FIRRM: variants seen among roughly 807,000 people sequenced by gnomAD.
FIRRM encodes the protein FIGNL1 interacting regulator of recombination and mitosis.
the FIRRM span, chr1:169,842,292 A>T: frequency 2.3e-6 from 2 of 861,142 alleles, no homozygotes; most frequent in African/African-American, 3.5e-5. Flanking sequence ...GCTCTTAGAA[A>T]TATTATTCTA....
the FIRRM span, among the ~76,000 whole-genome samples, chr1:169,832,967 T>G: frequency 1.3e-5 from 2 of 152,178 alleles, no homozygotes; most frequent in South Asian, 4.1e-4. Context: ...TGACGTTGAT[T>G]GCTGTGCTTG....
the FIRRM span, among the ~76,000 whole-genome samples, chr1:169,835,374 T>G: frequency 6.6e-6 from 1 of 152,222 alleles, no homozygotes; most frequent in African/African-American, 2.4e-5. Context: ...ATTAGTAGTA[T>G]TCCATTGTAT....
chr1:169,813,369 C>T, the FIRRM span, among the ~76,000 whole-genome samples: 1 of 152,182 alleles, frequency 6.6e-6, no homozygotes, highest in Non-Finnish European at 1.5e-5. Context: ...ATCTATAGCC[C>T]TCCCTGCATA....
chr1:169,787,319 C>CTTA, the FIRRM span, among the ~76,000 whole-genome samples: 2 of 152,150 alleles, frequency 1.3e-5, no homozygotes. Flanking sequence ...TGGGCTTTCT[C>CTTA]TTATGCCCAC....
At chr1:169,834,581 C>CTTGT in the FIRRM span, among the ~76,000 whole-genome samples, 1 of 152,102 alleles carries the variant, frequency 6.6e-6, no homozygotes, top group Non-Finnish European at 1.5e-5. Flanking sequence ...TTAGTCCTTA[C>CTTGT]AGCAGCCTTG....
At chr1:169,823,044 G>A in the FIRRM span, among the ~76,000 whole-genome samples, 1 of 151,636 alleles carries the variant, frequency 6.6e-6, no homozygotes, top group Non-Finnish European at 1.5e-5. Flanking sequence ...CTGAGGTCAG[G>A]AGTTCAAGAC....
chr1:169,851,948 T>G, the FIRRM span: 1 of 1,613,868 alleles, frequency 6.2e-7, no homozygotes, highest in African/African-American at 1.3e-5. Flanking sequence ...TATGGGCTGA[T>G]TTCAATAGGG....
At chr1:169,850,985 T>C in the FIRRM span, 2 of 57,720 alleles carry the variant, frequency 3.5e-5, no homozygotes, top group Non-Finnish European at 3.4e-5. Context: ...CATGGCTTTT[T>C]TTTTTTTTTT....
chr1:169,792,773 G>A, the FIRRM span: 1 of 1,613,188 alleles, frequency 6.2e-7, no homozygotes, highest in South Asian at 1.1e-5. Context: ...TCTAAGGAAA[G>A]TCTGGTGCAA....
chr1:169,837,179 T>A, the FIRRM span: 1 of 1,306,980 alleles, frequency 7.7e-7, no homozygotes. Flanking sequence ...TTTTAGGTAC[T>A]GGGGTTAGGT....
chr1:169,810,827 GCCC>G, the FIRRM span, among the ~76,000 whole-genome samples: 3 of 114,494 alleles, frequency 2.6e-5, no homozygotes, highest in Non-Finnish European at 5.4e-5. Flanking sequence ...TAGTTCTTTA[GCCC>G]CCAATTTTTT....
chr1:169,802,686 A>G, the FIRRM span: 1 of 1,613,196 alleles, frequency 6.2e-7, no homozygotes, highest in Admixed American at 1.7e-5. Context: ...TGTCAAGCCA[A>G]AATTTGGAAA....
At chr1:169,803,613 C>CCCT in the FIRRM span, among the ~76,000 whole-genome samples, 7 of 152,072 alleles carry the variant, frequency 4.6e-5, no homozygotes, top group African/African-American at 1.7e-4. Context: ...GTTGCATTGA[C>CCCT]CAATATTCAA....
the FIRRM span, among the ~76,000 whole-genome samples, chr1:169,792,118 C>G: frequency 5.9e-5 from 9 of 152,288 alleles, no homozygotes; most frequent in Non-Finnish European, 1.0e-4. Context: ...CTGATCCTTA[C>G]TATACAAGGT....
At chr1:169,795,545 G>A in the FIRRM span, 2 of 1,070,102 alleles carry the variant, frequency 1.9e-6, no homozygotes, top group Non-Finnish European at 2.3e-6. Context: ...TTTGCTAGTG[G>A]ATAATGGGGG....
At chr1:169,819,260 G>C in the FIRRM span, among the ~76,000 whole-genome samples, 7 of 152,186 alleles carry the variant, frequency 4.6e-5, no homozygotes, top group Non-Finnish European at 1.0e-4. Flanking sequence ...ATCACTCATG[G>C]GAGTTGTATC....
At chr1:169,819,056 T>C in the FIRRM span, among the ~76,000 whole-genome samples, 10 of 152,298 alleles carry the variant, frequency 6.6e-5, no homozygotes, top group Middle Eastern at 6.8e-3. Context: ...CAGGAAAGCA[T>C]GCGGTTTCTA....
At chr1:169,848,721 A>C in the FIRRM span, among the ~76,000 whole-genome samples, 1 of 152,228 alleles carries the variant, frequency 6.6e-6, no homozygotes, top group Non-Finnish European at 1.5e-5. Context: ...ACCATGAAAT[A>C]AATCTATTCC....
chr1:169,853,771 C>T, the FIRRM span: 2 of 1,613,768 alleles, frequency 1.2e-6, no homozygotes, highest in Non-Finnish European at 1.7e-6. Flanking sequence ...TTCAGCCTCT[C>T]CCTGCAACAA....
Sources: gnomAD v4.1 joint callset for allele counts (sites outside exome capture counted in the v4.1 genomes callset) on GRCh38, gnomAD v4.1.1 for gene constraint, MANE v1.5 for transcripts, NCBI Gene and HGNC (gene_info 2026-07-23, HGNC 2026-07-21) for gene names.